The following KLF7 variants were observed in gnomAD, a reference collection of about 807,000 sequenced individuals.
KLF7 encodes Krueppel-like factor 7.
A neutral mutation model predicts 27.3 loss-of-function variants in KLF7; 2 were observed. The ratio of observed to expected loss-of-function variants is 0.07; its 90% confidence interval spans 0.03 to 0.23. The LOEUF (loss-of-function observed/expected upper bound fraction) is 0.23. KLF7 is among the 10% of genes least tolerant of loss of function. KLF7 has a pLI of 1.00. For missense variants in KLF7, 221 were observed against 394.1 expected (o/e 0.56, Z 3.72); for synonymous variants, 165 against 162.4 (o/e 1.02, Z -0.12).
upstream of KLF7, chr2:207,166,832 G>C (rs527663157): frequency 5.8e-5 from 59 of 1,024,912 alleles, no homozygotes; most frequent in African/African-American, 9.7e-4. Context: ...GAGAAGAAGC[G>C]CCTGAGGAGG....
rs576946157 is a variant in KLF7, at chr2:207,088,720, T to A, written c.734-139A>T. The A allele has an allele frequency of 5.8e-6, 5 of 867,334 alleles. No individual in the cohort carries two copies. In the African/African-American group the frequency reaches 8.4e-5, roughly 15 times the overall value. 53.7% of individuals were successfully genotyped at this position (867,334 alleles called of 1,614,324 possible). On this transcript the variant is annotated intron_variant, in intron 2 of 3. Transcript: ENST00000309446. ...TGAAAGACTAGATTTCCTAACATAG[T>A]ATACCACTGTCTTTTGGGTTTTTTT...
At chr2:207,088,966 A>C (rs912774520) in intron 2 of KLF7, among the ~76,000 whole-genome samples, 2 of 152,156 alleles carry the variant, frequency 1.3e-5, no homozygotes, top group East Asian at 3.9e-4. Flanking sequence ...TCTGAACCAC[A>C]AATGCTTCTA....
At chr2:207,082,466 T>G (rs2076295244) in intron 3 of KLF7, among the ~76,000 whole-genome samples, 1 of 152,176 alleles carries the variant, frequency 6.6e-6, no homozygotes, top group African/African-American at 2.4e-5. Context: ...CAAATCTAAT[T>G]CTGTTCTTCT....
At chr2:207,113,002 C>T (rs560346868) in intron 2 of KLF7, among the ~76,000 whole-genome samples, 1 of 152,310 alleles carries the variant, frequency 6.6e-6, no homozygotes, top group East Asian at 1.9e-4. Flanking sequence ...GGTCTACAAG[C>T]CTCCCTTTAC....
At chr2:207,170,039 AG>A (rs2078774890), upstream of KLF7, among the ~76,000 whole-genome samples, 1 of 152,146 alleles carries the variant, frequency 6.6e-6, no homozygotes, top group South Asian at 2.1e-4. Flanking sequence ...TTAGTGAAGA[AG>A]GTATATCAAA....
intron 2 of KLF7, among the ~76,000 whole-genome samples, chr2:207,106,742 A>C (rs1344244329): frequency 6.6e-6 from 1 of 152,180 alleles, no homozygotes; most frequent in Non-Finnish European, 1.5e-5. Flanking sequence ...CCAAGTCAAG[A>C]AACACTTTGG....
intron 2 of KLF7, among the ~76,000 whole-genome samples, chr2:207,102,217 T>G (rs945886390): frequency 6.6e-6 from 1 of 151,236 alleles, no homozygotes; most frequent in African/African-American, 2.4e-5. Context: ...CACCCACATA[T>G]GTAGAAACAC....
At chr2:207,097,166 T>A (rs1382658462) in intron 2 of KLF7, among the ~76,000 whole-genome samples, 1 of 152,208 alleles carries the variant, frequency 6.6e-6, no homozygotes, top group Non-Finnish European at 1.5e-5. Context: ...ATTATTCTAG[T>A]TCTGGCTCTG....
At chr2:207,098,778 ATTTTT>A (rs1182598901) in intron 2 of KLF7, among the ~76,000 whole-genome samples, 23 of 104,676 alleles carry the variant, frequency 2.2e-4, no homozygotes, top group East Asian at 5.6e-4. Context: ...CACTTGGCTA[ATTTTT>A]TTTTTTTTTT....
chr2:207,124,155 A>T lies in KLF7; in HGVS notation c.352T>A (p.Ser118Thr). ...TTGACGGCTGTGTAGCTGTCTAGAG[A>T]AGAGCTGGCCGGCTGGAGGCTGAGG... ...TCLSLQPASS[S>T]LDSYTAVNQA... Residue 118 changes from serine (S) to threonine (T), a missense_variant, in exon 2 of 4, where the codon TCT (serine) becomes ACT (threonine). Around this residue, in one of 3 missense-constraint regions of KLF7, gnomAD observed 180 missense variants for 227.9 expected, o/e 0.79. Coordinates refer to ENST00000309446, the MANE Select transcript of KLF7 (RefSeq NM_003709.4). The T allele has an allele frequency of 6.2e-7, 1 of 1,614,078 alleles. No homozygotes were observed.
At chr2:207,122,906 T>A (rs943362506) in intron 2 of KLF7, among the ~76,000 whole-genome samples, 1 of 152,102 alleles carries the variant, frequency 6.6e-6, no homozygotes, top group African/African-American at 2.4e-5. Context: ...GCTACTAGCA[T>A]CCTAGTAGCC....
chr2:207,100,505 G>A (rs1189917684), intron 2 of KLF7, among the ~76,000 whole-genome samples: 2 of 152,106 alleles, frequency 1.3e-5, no homozygotes, highest in African/African-American at 4.8e-5. Flanking sequence ...AGGAAAAGAT[G>A]TACACAAAGC....
chr2:207,133,128 ATGC>A (rs1332892322), intron 1 of KLF7, among the ~76,000 whole-genome samples: 3 of 152,194 alleles, frequency 2.0e-5, no homozygotes, highest in African/African-American at 7.2e-5. Context: ...ATGCTCCTGT[ATGC>A]TATCCCCTCA....
At chr2:207,130,916 C>T (rs1274013159) in intron 1 of KLF7, among the ~76,000 whole-genome samples, 1 of 152,114 alleles carries the variant, frequency 6.6e-6, no homozygotes, top group Admixed American at 6.5e-5. Flanking sequence ...ACAGAGTCAA[C>T]GAAATAAAAG....
At chr2:207,104,518 T>C (rs1442387105) in intron 2 of KLF7, among the ~76,000 whole-genome samples, 1 of 152,254 alleles carries the variant, frequency 6.6e-6, no homozygotes, top group Non-Finnish European at 1.5e-5. Flanking sequence ...TAGTATTTAC[T>C]GGGCCCTCAC....
chr2:207,093,105 C>T (rs117195135), intron 2 of KLF7, among the ~76,000 whole-genome samples: 1 of 152,100 alleles, frequency 6.6e-6, no homozygotes, highest in Admixed American at 6.5e-5. Context: ...TTACAGGGGG[C>T]CTTAGTCTAT....
chr2:207,159,648 T>A (rs2106136516), intron 1 of KLF7, among the ~76,000 whole-genome samples: 1 of 152,218 alleles, frequency 6.6e-6, no homozygotes, highest in Middle Eastern at 3.4e-3. Flanking sequence ...ACAACAAAAA[T>A]CCCACAAAGT....
At chr2:207,134,153 G>GT (rs780914126) in intron 1 of KLF7, 14 of 1,297,452 alleles carry the variant, frequency 1.1e-5, no homozygotes, top group African/African-American at 4.6e-5. Context: ...GGGCTACTGG[G>GT]ATTTTTTTTT....
At chr2:207,138,085 C>T (rs2077839073) in intron 1 of KLF7, among the ~76,000 whole-genome samples, 1 of 152,206 alleles carries the variant, frequency 6.6e-6, no homozygotes, top group Non-Finnish European at 1.5e-5. Context: ...CTTTCAGGCA[C>T]ACCAGACTCT....
Sources: gnomAD v4.1 joint callset for allele counts (sites outside exome capture counted in the v4.1 genomes callset) on GRCh38, gnomAD v4.1.1 for gene constraint, gnomAD v4.1.1 regional missense constraint, MANE v1.5 for transcripts, NCBI Gene and HGNC (gene_info 2026-07-23, HGNC 2026-07-21) for gene names.